The following HDGFL2 variants were observed in gnomAD, a reference collection of about 807,000 sequenced individuals.
The protein encoded by HDGFL2 is HDGF like 2, also known as hepatoma-derived growth factor-related protein 2.
HDGFL2 carries 36 observed loss-of-function variants against 77.1 expected under a neutral mutation model. The ratio of observed to expected loss-of-function variants is 0.47; its 90% CI spans 0.36 to 0.62. The LOEUF is 0.62. Among genes scored for constraint, HDGFL2 ranks in the 20% least tolerant of loss-of-function variants. The probability of loss-of-function intolerance (pLI) is 0.00; values close to 1 mark genes in which losing one functional copy is unlikely to be tolerated. For synonymous variants in HDGFL2, 463 were observed against 413.1 expected (o/e 1.12, Z -1.46); for missense variants, 976 against 973.4 (o/e 1.00, Z -0.04).
chr19:4,489,445 C>G lies in HDGFL2; in HGVS notation c.489+569C>G, dbSNP rs561527890. On this transcript the variant is annotated intron_variant, in intron 4 of 15. Transcript: ENST00000616600. Reference sequence around the variant, plus strand: ...TTTGAGACGGAGTCTCATTCTGTTGCCAGGCTGGAGTGCGGTGGCACGATC... The same window carrying G: ...TTTGAGACGGAGTCTCATTCTGTTGGCAGGCTGGAGTGCGGTGGCACGATC... 1.1e-4 allele frequency among the ~76,000 whole-genome samples: 17 copies of G among 151,718 alleles called. No homozygotes were observed. In the East Asian group the frequency reaches 3.3e-3, roughly 29 times the overall value.
intron 15 of HDGFL2, 146 bp downstream of exon 15, chr19:4,501,463 T>C (rs767276533): frequency 6.2e-6 from 6 of 968,904 alleles, no homozygotes; most frequent in Non-Finnish European, 8.7e-6. Flanking sequence ...CCTTCACAGC[T>C]GACCCCAGGG....
chr19:4,497,911 C>T, intron 10 of HDGFL2, 47 bp from the exon 11 acceptor site: 1 of 1,499,994 alleles, frequency 6.7e-7, no homozygotes, highest in East Asian at 2.5e-5. Context: ...CCCTCAGTGG[C>T]AGAGTGCCGG....
chr19:4,499,806 C>A, intron 14 of HDGFL2, 102 bp downstream of exon 14: 1 of 951,972 alleles, frequency 1.1e-6, no homozygotes, highest in Non-Finnish European at 1.5e-6. Context: ...CTACTCTCTG[C>A]CCCAAACCTG....
chr19:4,492,001 C>T (rs944985807), intron 6 of HDGFL2, among the ~76,000 whole-genome samples, 166 bp downstream of exon 6: 3 of 152,174 alleles, frequency 2.0e-5, no homozygotes, highest in African/African-American at 4.8e-5. Context: ...TCGTTATGGC[C>T]GCACTGCCTC....
intron 3 of HDGFL2, among the ~76,000 whole-genome samples, chr19:4,479,610 C>T (rs1476048681): frequency 2.0e-5 from 3 of 147,356 alleles, no homozygotes; most frequent in Middle Eastern, 3.8e-3. Context: ...AAAGAAACCC[C>T]GCCTCTACCC....
At chr19:4,477,322 G>A (rs549057184) in intron 3 of HDGFL2, among the ~76,000 whole-genome samples, 2 of 152,084 alleles carry the variant, frequency 1.3e-5, no homozygotes, top group Non-Finnish European at 2.9e-5. Flanking sequence ...CTCAACGGAT[G>A]TCCCTTGAGC....
chr19:4,493,703 A>G lies in HDGFL2; in HGVS notation c.679A>G (p.Lys227Glu). ...CACGCCTGTCCCTGCTTCTCCCCAG[A>G]AGGCGCCATCAGCCTCCGACTCCGA... is the stretch of plus-strand genomic sequence containing the variant. ...RGPLGGRKKK[K>E]APSASDSDSK... The change falls in exon 7 of 16, where the codon AAG becomes GAG. Residue 227 changes from lysine (K) to glutamate (E), a missense_variant and splice_region_variant. Transcript: ENST00000616600. 1 of 1,461,592 alleles carries G rather than the reference A, an allele frequency of 6.8e-7. No individual in the cohort carries two copies. The highest frequency in any genetic ancestry group is 9.1e-7 in the Non-Finnish European group (1 of 1,100,474). 90.5% of individuals were successfully genotyped at this position (1,461,592 alleles called of 1,614,324 possible).
At chr19:4,501,164 G>A (rs775585553) in intron 14 of HDGFL2, 27 bp from the exon 15 acceptor site, 2 of 1,612,400 alleles carry the variant, frequency 1.2e-6, no homozygotes, top group South Asian at 1.1e-5. Context: ...GCCCAGCAGT[G>A]TCCTGTGACC....
intron 5 of HDGFL2, 37 bp downstream of exon 5, chr19:4,491,719 G>A: frequency 3.1e-6 from 5 of 1,612,458 alleles, no homozygotes; most frequent in Non-Finnish European, 4.2e-6. Flanking sequence ...AGGGAAGCGT[G>A]GTGGCTGCCA....
At chr19:4,501,523 G>C (rs1975883572) in intron 15 of HDGFL2, 2 of 554,392 alleles carry the variant, frequency 3.6e-6, no homozygotes, top group Non-Finnish European at 6.0e-6. Flanking sequence ...CAGCTCCAGG[G>C]CTTTGAGCTG....
intron 13 of HDGFL2, 66 bp downstream of exon 13, chr19:4,498,981 A>G: frequency 8.8e-7 from 1 of 1,139,732 alleles, no homozygotes; most frequent in Non-Finnish European, 1.3e-6. Context: ...CCTGCCCGGG[A>G]GCCCAGGCCC....
rs1471811956 is a variant in HDGFL2, at chr19:4,502,113, GTTTGTA to G, written c.*109_*114del. 1 of 828,730 alleles carries G rather than the reference GTTTGTA, an allele frequency of 1.2e-6. No individual in the cohort carries two copies. The highest frequency in any genetic ancestry group is 2.0e-6 in the Non-Finnish European group (1 of 502,968). The allele number at this position is 828,730 out of a possible 1,614,324, so 51.3% of individuals were successfully genotyped here. On this transcript the variant is annotated 3_prime_UTR_variant, in exon 16 of 16. Coordinates refer to ENST00000616600, the MANE Select transcript of HDGFL2 (RefSeq NM_001001520.3). ...AGAGAACTGTGGGGAACGCTGTGCT[GTTTGTA>G]TTTGTTCCCTTGGGTTTTTTTTTCC...
rs929405310 is a variant in HDGFL2, at chr19:4,476,693, T to C, written c.288+1110T>C. Among the ~76,000 whole-genome samples the C allele has an allele frequency of 6.0e-5, 9 of 150,770 alleles. No homozygotes were observed. In the South Asian group the frequency reaches 6.5e-4, roughly 11 times the overall value. Reference sequence around the variant, plus strand: ...ACACCAAGAATCAGATGACATCTCATTGGCAAATGAGTGTCTGGAAATAGT... The same window carrying C: ...ACACCAAGAATCAGATGACATCTCACTGGCAAATGAGTGTCTGGAAATAGT... On this transcript the variant is annotated intron_variant, in intron 3 of 15. Coordinates refer to ENST00000616600, the MANE Select transcript of HDGFL2 (RefSeq NM_001001520.3).
Position 4,501,239 on chromosome 19 carries a change from G to A in HDGFL2, c.1838G>A (p.Ser613Asn). 1 of 1,613,844 alleles carries A rather than the reference G, an allele frequency of 6.2e-7. No homozygotes were observed. Among genetic ancestry groups the A allele is most frequent in the Non-Finnish European group, 8.5e-7 (1 of 1,180,000 alleles). Residue 613 changes from serine (S) to asparagine (N), a missense_variant, in exon 15 of 16, where the codon AGC becomes AAC. Ser to Asn is a conservative substitution (Grantham distance 46, BLOSUM62 1). Coordinates refer to ENST00000616600, the MANE Select transcript of HDGFL2 (RefSeq NM_001001520.3). ...NGEATSQKGE[S>N]AEDKEHEEGR... is the part of the protein sequence containing the mutation. ...GAGGCCACATCACAGAAGGGGGAGA[G>A]CGCAGAGGACAAGGAGCACGAGGAG...
At chr19:4,495,385 C>CAAAAAAAAAA (rs747305046) in intron 9 of HDGFL2, among the ~76,000 whole-genome samples, 4 of 54,238 alleles carry the variant, frequency 7.4e-5, no homozygotes, top group East Asian at 5.5e-4. Context: ...GACTCCATCT[C>CAAAAAAAAAA]AAAAAAAAAA....
chr19:4,472,814 C>T (rs552743060), intron 1 of HDGFL2, among the ~76,000 whole-genome samples: 11 of 141,674 alleles, frequency 7.8e-5, no homozygotes, highest in African/African-American at 2.9e-4. Flanking sequence ...GGAGCCCCTC[C>T]CGGGGTCTGG....
rs1975515497 is a variant in HDGFL2 at position 4,491,610 on chromosome 19, T to A, written c.534T>A (p.Asp178Glu). The change falls in exon 5 of 16, where the codon GAT becomes GAA. Residue 178 changes from aspartate to glutamate, a missense_variant. Around this residue, in one of 5 missense-constraint regions of HDGFL2, gnomAD observed 567 missense variants for 534.7 expected, o/e 1.06. Transcript: ENST00000616600. ...KRARKASSDLDQASVSPSEEE... is the reference protein window; with the variant it reads ...KRARKASSDLEQASVSPSEEE... ...CCCGAAAGGCCTCCAGCGACCTGGATCAGGCCAGCGTGTCCCCATCCGAAG... is the reference window on the plus strand; with the variant it reads ...CCCGAAAGGCCTCCAGCGACCTGGAACAGGCCAGCGTGTCCCCATCCGAAG... 1.1e-5 allele frequency: 18 copies of A among 1,613,846 alleles called. No homozygotes were observed. Among genetic ancestry groups the A allele is most frequent in the Non-Finnish European group, 1.5e-5 (18 of 1,180,004 alleles).
chr19:4,473,821 G>A (rs1975004471), intron 1 of HDGFL2, among the ~76,000 whole-genome samples: 1 of 151,942 alleles, frequency 6.6e-6, no homozygotes, highest in Admixed American at 6.6e-5. Context: ...GGAGGAGGAT[G>A]TAGAAGCTGG....
At chr19:4,473,205 G>C (rs1258944322) in intron 1 of HDGFL2, among the ~76,000 whole-genome samples, 2 of 149,682 alleles carry the variant, frequency 1.3e-5, no homozygotes, top group Non-Finnish European at 3.0e-5. Context: ...CTGCGCCGTG[G>C]GGATCTGGGG....
Sources: gnomAD v4.1 joint callset for allele counts (sites outside exome capture counted in the v4.1 genomes callset) on GRCh38, gnomAD v4.1.1 for gene constraint, gnomAD v4.1.1 regional missense constraint, MANE v1.5 for transcripts, NCBI Gene and HGNC (gene_info 2026-07-23, HGNC 2026-07-21) for gene names.